NKPD1: variants seen among roughly 807,000 people sequenced by gnomAD.
The protein encoded by NKPD1 is NTPase KAP family P-loop domain-containing protein 1.
A neutral mutation model predicts 42.2 loss-of-function variants in NKPD1; 37 were observed. The ratio of observed to expected loss-of-function variants is 0.88; its 90% CI spans 0.67 to 1.15. NKPD1 has a LOEUF of 1.15. Ranked by LOEUF, NKPD1 falls within the 50% of genes most tolerant of loss-of-function variation. NKPD1 has a pLI of 0.00. For missense variants in NKPD1, 1,113 were observed against 1,174.6 expected (o/e 0.95, Z 0.77); for synonymous variants, 552 against 536.5 (o/e 1.03, Z -0.40).
In NKPD1 at chr19:45,159,055, T is replaced by A; in HGVS notation, c.137A>T (p.His46Leu). ...WRQDSAALRAHGPCRPSPQSH... is the reference protein window; with the variant it reads ...WRQDSAALRALGPCRPSPQSH... The stretch of plus-strand genomic sequence containing the variant: ...TTGGGGGGAAGGCCGACAGGGCCCA[T>A]GGGCTCGGAGGGCCGCTGAGTCCTG... The change falls in exon 3 of 5, where the codon CAT (histidine) becomes CTT (leucine). Residue 46 changes from histidine (H) to leucine (L), a missense_variant. Transcript: ENST00000686631. The A allele has an allele frequency of 7.7e-7, 1 of 1,299,574 alleles. No individual in the cohort carries two copies. Among genetic ancestry groups the A allele is most frequent in the Non-Finnish European group, 1.0e-6 (1 of 987,782 alleles). 80.5% of individuals were successfully genotyped at this position (1,299,574 alleles called of 1,614,324 possible).
Position 45,151,793 on chromosome 19 carries a change from C to T in NKPD1, c.*145G>A. 1 of 864,454 alleles carries T rather than the reference C, an allele frequency of 1.2e-6. No homozygotes were observed. The highest frequency in any genetic ancestry group is 3.0e-5 in the East Asian group (1 of 33,532). 53.5% of individuals were successfully genotyped at this position (864,454 alleles called of 1,614,324 possible). A position where few individuals can be genotyped will look rare whatever the true frequency, so the allele number is the denominator to read the frequency against. On this transcript the variant is annotated 3_prime_UTR_variant, in exon 5 of 5. Coordinates refer to ENST00000686631, the MANE Select transcript of NKPD1 (RefSeq NM_198478.4). The stretch of plus-strand genomic sequence containing the variant: ...GGCCGCACTCCTTGGAAGCTATGTC[C>T]ACGGCTCTGGCTCAGGTTCACCTGG...
At chr19:45,157,213 C>G (rs1968919555) in intron 3 of NKPD1, among the ~76,000 whole-genome samples, 1 of 152,238 alleles carries the variant, frequency 6.6e-6, no homozygotes. Context: ...CCTGTCAGCT[C>G]ACATCCATCC....
Position 45,151,893 on chromosome 19 carries a change from C to T in NKPD1, c.*45G>A. 1 of 1,486,592 alleles carries T rather than the reference C, an allele frequency of 6.7e-7. No individual in the cohort carries two copies. The highest frequency in any genetic ancestry group is 9.0e-7 in the Non-Finnish European group (1 of 1,113,950). The allele number at this position is 1,486,592 out of a possible 1,614,324, so 92.1% of individuals were successfully genotyped here. Reference sequence around the variant, plus strand: ...CCAGCCCCCTATTCTCCCATCTGGGCAGATGGAGGAACCCTTGCCTCCTGC... The same window carrying T: ...CCAGCCCCCTATTCTCCCATCTGGGTAGATGGAGGAACCCTTGCCTCCTGC... On this transcript the variant is annotated 3_prime_UTR_variant, in exon 5 of 5. Transcript: ENST00000686631.
Position 45,152,806 on chromosome 19 carries a change from G to A in NKPD1, c.1631C>T (p.Ala544Val). 3 of 1,600,438 alleles carry A rather than the reference G, an allele frequency of 1.9e-6. No individual in the cohort carries two copies. The highest frequency in any genetic ancestry group is 2.6e-6 in the Non-Finnish European group (3 of 1,172,916). The change falls in exon 5 of 5, where the codon GCG becomes GTG. Residue 544 changes from alanine (A) to valine (V), a missense_variant. By Grantham distance (64) the Ala-to-Val change is moderately conservative. Around this residue, in one of 3 missense-constraint regions of NKPD1, gnomAD observed 867 missense variants for 870.1 expected, o/e 1.00. Transcript: ENST00000686631. ...RRTKLQFLHD[A>V]VQSRDDLLYR... ...CAACAGGTCGTCGCGGCTCTGCACC[G>A]CATCGTGCAGGAACTGCAGCTTGGT...
intron 3 of NKPD1, among the ~76,000 whole-genome samples, chr19:45,157,557 G>A (rs974592263): frequency 6.6e-6 from 1 of 151,902 alleles, no homozygotes; most frequent in African/African-American, 2.4e-5. Context: ...GACCACAGGC[G>A]TGCATCACTA....
rs188197202 is a variant in NKPD1 at position 45,158,957 on chromosome 19, C to T, written c.235G>A (p.Val79Ile). Residue 79 changes from valine (V) to isoleucine (I), a missense_variant, in exon 3 of 5, where the codon GTC (valine) becomes ATC (isoleucine). By Grantham distance (29) the Val-to-Ile change is conservative (BLOSUM62 3). This residue lies in a region of NKPD1 where 204 missense variants were observed against 227.8 expected (regional missense o/e 0.90). Coordinates refer to ENST00000686631, the MANE Select transcript of NKPD1 (RefSeq NM_198478.4). This position sits in a 1 kb window ranked among gnomAD's most constrained non-coding sequence, Gnocchi z 4.6. ...SGWRRGLLPS[V>I]LQQQRQPQSQ... ...TGGGGCTGCCGCTGCTGCTGCAGGA[C>T]GGAGGGCAGGAGGCCCCGGCGCCAG... The T allele has an allele frequency of 2.2e-3, 2,881 of 1,300,214 alleles. 6 individuals carry two copies. Among genetic ancestry groups the T allele is most frequent in the Middle Eastern group, 6.4e-3 (26 of 4,064 alleles). The allele number at this position is 1,300,214 out of a possible 1,614,324, so 80.5% of individuals were successfully genotyped here. A position where few individuals can be genotyped will look rare whatever the true frequency, so the allele number is the denominator to read the frequency against.
intron 4 of NKPD1, among the ~76,000 whole-genome samples, chr19:45,155,136 T>A (rs61449282): frequency 0.12 from 18,317 of 147,836 alleles, 1,264 homozygotes; most frequent in Middle Eastern, 0.2. Flanking sequence ...CTGGCCAACA[T>A]GGTAAAACCC....
Position 45,160,542 on chromosome 19 carries a change from C to T in NKPD1, c.-71-321G>A, listed in dbSNP as rs1968986063. 2.6e-5 allele frequency among the ~76,000 whole-genome samples: 4 copies of T among 151,826 alleles called. No individual in the cohort carries two copies. In the South Asian group the frequency reaches 6.2e-4, roughly 24 times the overall value. Reference sequence around the variant, plus strand: ...GGGGTCCGGTGTGGTGGCTGAGTGACCAAGGGGTCATTAAGGTGTGGGCGC... The same window carrying T: ...GGGGTCCGGTGTGGTGGCTGAGTGATCAAGGGGTCATTAAGGTGTGGGCGC... On this transcript the variant is annotated intron_variant, in intron 1 of 4. Coordinates refer to ENST00000686631, the MANE Select transcript of NKPD1 (RefSeq NM_198478.4).
At chr19:45,162,402 T>C (rs771855227), upstream of NKPD1, among the ~76,000 whole-genome samples, 38 of 152,288 alleles carry the variant, frequency 2.5e-4, no homozygotes, top group Non-Finnish European at 4.7e-4. Context: ...CATTTGGGGT[T>C]CACCCCCAGC....
chr19:45,152,789 C>T lies in NKPD1; in HGVS notation c.1648G>A (p.Asp550Asn). 6.2e-7 allele frequency: 1 copy of T among 1,602,318 alleles called. No homozygotes were observed. The highest frequency in any genetic ancestry group is 1.1e-5 in the South Asian group (1 of 89,732). The change falls in exon 5 of 5, where the codon GAC (aspartate) becomes AAC (asparagine). Residue 550 changes from aspartate (D) to asparagine (N), a missense_variant. This residue lies in a region of NKPD1 where 867 missense variants were observed against 870.1 expected (regional missense o/e 1.00). Coordinates refer to ENST00000686631, the MANE Select transcript of NKPD1 (RefSeq NM_198478.4). Reference sequence around the variant, plus strand: ...CGCGTCATCTCGCGGTACAACAGGTCGTCGCGGCTCTGCACCGCATCGTGC... The same window carrying T: ...CGCGTCATCTCGCGGTACAACAGGTTGTCGCGGCTCTGCACCGCATCGTGC... ...FLHDAVQSRD[D>N]LLYREMTRKP...
chr19:45,160,248 G>A (rs1274767508), intron 1 of NKPD1, 27 bp from the exon 2 acceptor site: 3 of 665,550 alleles, frequency 4.5e-6, no homozygotes, highest in Non-Finnish European at 6.9e-6. Context: ...AGAGAGCTGA[G>A]GTCAGGGTCC....
In NKPD1 at chr19:45,152,122, G is replaced by C; in HGVS notation, c.2315C>G (p.Pro772Arg). The change falls in exon 5 of 5, where the codon CCT (proline) becomes CGT (arginine). Residue 772 changes from proline to arginine, a missense_variant. Transcript: ENST00000686631. ...ALKPPSPPKS[P>R]TRDTPHAAHR... ...GGCAGCGTGGGGGGTATCGCGGGTA[G>C]GGGACTTGGGCGGGCTGGGCGGCTT... is the stretch of plus-strand genomic sequence containing the variant. 6.2e-7 allele frequency: 1 copy of C among 1,603,708 alleles called. No individual in the cohort carries two copies. The highest frequency in any genetic ancestry group is 1.1e-5 in the South Asian group (1 of 90,240).
rs1351474984 is a variant in NKPD1, at chr19:45,153,650, T to C, written c.787A>G (p.Ile263Val). The C allele has an allele frequency of 4.4e-6, 7 of 1,583,030 alleles. No individual in the cohort carries two copies. The highest frequency in any genetic ancestry group is 1.3e-5 in the African/African-American group (1 of 74,658). The change falls in exon 5 of 5, where the codon ATC becomes GTC. Residue 263 changes from isoleucine (I) to valine (V), a missense_variant. Around this residue, in one of 3 missense-constraint regions of NKPD1, gnomAD observed 867 missense variants for 870.1 expected, o/e 1.00. Coordinates refer to ENST00000686631, the MANE Select transcript of NKPD1 (RefSeq NM_198478.4). ...LLWYLVFLQP[I>V]ITEVHLRRRN... ...CGCCGCAGGTGCACCTCGGTGATGA[T>C]GGGCTGCAGGAACACCAGGTACCAC...
chr19:45,158,738 T>C lies in NKPD1; in HGVS notation c.454A>G (p.Lys152Glu). ...ALPSAAGVLL[K>E]PSEPTDARPL... The stretch of plus-strand genomic sequence containing the variant: ...CGGGCATCAGTGGGCTCGCTGGGCT[T>C]CAGGAGGACGCCAGCCGCGGAGGGT... The change falls in exon 3 of 5, where the codon AAG (lysine) becomes GAG (glutamate). Residue 152 changes from lysine to glutamate, a missense_variant. Physicochemically the swap from Lys to Glu is moderately conservative, Grantham distance 56. Coordinates refer to ENST00000686631, the MANE Select transcript of NKPD1 (RefSeq NM_198478.4). The surrounding 1 kb of genome is among the most constrained non-coding windows in gnomAD (Gnocchi z 4.6). 1 of 1,208,878 alleles carries C rather than the reference T, an allele frequency of 8.3e-7. No individual in the cohort carries two copies. Among genetic ancestry groups the C allele is most frequent in the East Asian group, 6.7e-5 (1 of 14,932 alleles). The allele number at this position is 1,208,878 out of a possible 1,614,324, so 74.9% of individuals were successfully genotyped here.
In NKPD1 at chr19:45,153,303, C is replaced by CT; in HGVS notation, c.1133dup (p.Val379GlyfsTer40). ...GTGTGGTGGCCGCGCCGCCAAACAC[C>CT]TTGAGCAGGCTGCCGCTCGGGCTGC... On this transcript the variant is annotated frameshift_variant, in exon 5 of 5. Coordinates refer to ENST00000686631, the MANE Select transcript of NKPD1 (RefSeq NM_198478.4). LOFTEE classifies it high-confidence loss of function. 6.3e-7 allele frequency: 1 copy of CT among 1,582,256 alleles called. No homozygotes were observed. Among genetic ancestry groups the CT allele is most frequent in the Non-Finnish European group, 8.6e-7 (1 of 1,165,266 alleles).
intron 3 of NKPD1, 35 bp from the exon 4 acceptor site, chr19:45,155,951 C>T: frequency 7.7e-7 from 1 of 1,294,398 alleles, no homozygotes; most frequent in Non-Finnish European, 1.0e-6. Context: ...GAGTCAGGAC[C>T]ACTGGCCAGG....
Position 45,152,414 on chromosome 19 carries a change from C to T in NKPD1, c.2023G>A (p.Glu675Lys). Residue 675 changes from glutamate (E) to lysine (K), a missense_variant, in exon 5 of 5, where the codon GAG becomes AAG. Glu to Lys is a moderately conservative substitution (Grantham distance 56). Around this residue, in one of 3 missense-constraint regions of NKPD1, gnomAD observed 867 missense variants for 870.1 expected, o/e 1.00. Coordinates refer to ENST00000686631, the MANE Select transcript of NKPD1 (RefSeq NM_198478.4). ...CRLSWALQCL[E>K]DRQQTGGAPE... ...GCGCCCCCGGTCTGCTGCCGGTCCT[C>T]CAGGCACTGCAGCGCCCAGCTCAGG... 1 of 1,573,130 alleles carries T rather than the reference C, an allele frequency of 6.4e-7. No individual in the cohort carries two copies. Among genetic ancestry groups the T allele is most frequent in the Non-Finnish European group, 8.6e-7 (1 of 1,161,266 alleles).
In NKPD1 at chr19:45,159,091, T is replaced by C. The variant is rs991429523; in HGVS notation, c.101A>G (p.His34Arg). ...GGCCGCTGAGTCCTGGCGCCACTGATGACAGCATCCTGGAAGGAAGGAAGT... is the reference window on the plus strand; with the variant it reads ...GGCCGCTGAGTCCTGGCGCCACTGACGACAGCATCCTGGAAGGAAGGAAGT... The part of the protein sequence containing the change: ...PELGHRKGCC[H>R]QWRQDSAALR... The change falls in exon 3 of 5, where the codon CAT (histidine) becomes CGT (arginine). Residue 34 changes from histidine (H) to arginine (R), a missense_variant. By Grantham distance (29) the His-to-Arg change is conservative. Coordinates refer to ENST00000686631, the MANE Select transcript of NKPD1 (RefSeq NM_198478.4). 17 of 1,284,040 alleles carry C rather than the reference T, an allele frequency of 1.3e-5. No individual in the cohort carries two copies. In the African/African-American group the frequency reaches 2.5e-4, roughly 19 times the overall value. The allele number at this position is 1,284,040 out of a possible 1,614,324, so 79.5% of individuals were successfully genotyped here. A position where few individuals can be genotyped will look rare whatever the true frequency, so the allele number is the denominator to read the frequency against.
chr19:45,161,116 G>A (rs1260357752), upstream of NKPD1, among the ~76,000 whole-genome samples: 3 of 152,218 alleles, frequency 2.0e-5, no homozygotes, highest in Admixed American at 6.5e-5. Flanking sequence ...CTGGGACTCC[G>A]ACTGGACTCA....
Sources: gnomAD v4.1 joint callset for allele counts (sites outside exome capture counted in the v4.1 genomes callset) on GRCh38, gnomAD v4.1.1 for gene constraint, gnomAD v4.1.1 regional missense constraint, Gnocchi (gnomAD v3.1) non-coding constraint, MANE v1.5 for transcripts, NCBI Gene and HGNC (gene_info 2026-07-23, HGNC 2026-07-21) for gene names.